RHOJ: variants seen among roughly 807,000 people sequenced by gnomAD.
RHOJ encodes the protein ras homolog family member J.
A neutral mutation model predicts 23.4 loss-of-function variants in RHOJ; 11 were observed. That is an observed-to-expected ratio of 0.47 (90% CI 0.30 to 0.78). RHOJ has a LOEUF of 0.78. RHOJ is among the 30% of genes least tolerant of loss of function. RHOJ has a pLI of 0.08. For synonymous variants in RHOJ, 102 were observed against 102.7 expected (o/e 0.99, Z 0.04); for missense variants, 254 against 273.4 (o/e 0.93, Z 0.50).
Position 63,293,448 on chromosome 14 carries a change from T to C in RHOJ, c.*2424T>C, listed in dbSNP as rs1382926675. ...ATAGAGACTGTTGTTAGTGTCTGGG[T>C]AGAGCACAGGCTCCCAGGGGTCTTA... On this transcript the variant is annotated 3_prime_UTR_variant, in exon 5 of 5. Coordinates refer to ENST00000316754, the MANE Select transcript of RHOJ (RefSeq NM_020663.5). Among the ~76,000 whole-genome samples the C allele has an allele frequency of 6.6e-6, 1 of 152,192 alleles. No individual in the cohort carries two copies. The highest frequency in any genetic ancestry group is 1.9e-4 in the East Asian group (1 of 5,196).
chr14:63,217,900 G>A (rs934281219), intron 1 of RHOJ, among the ~76,000 whole-genome samples: 1 of 152,292 alleles, frequency 6.6e-6, no homozygotes, highest in African/African-American at 2.4e-5. Flanking sequence ...TAGATATCTT[G>A]TCGACACGAT....
At chr14:63,234,585 T>C (rs1004461573) in intron 1 of RHOJ, among the ~76,000 whole-genome samples, 4 of 152,332 alleles carry the variant, frequency 2.6e-5, no homozygotes, top group Non-Finnish European at 5.9e-5. Context: ...TTGTGGTTGT[T>C]CAGATCTAAA....
chr14:63,271,184 C>T (rs371368895), intron 2 of RHOJ, among the ~76,000 whole-genome samples: 1 of 152,132 alleles, frequency 6.6e-6, no homozygotes, highest in East Asian at 1.9e-4. Flanking sequence ...CTAACTCTCA[C>T]TTGAATGCTT....
At position 63,204,727 on chromosome 14, in the gene RHOJ, C is replaced by T. The variant is rs1410781911; in HGVS notation, c.-143C>T. On this transcript the variant is annotated 5_prime_UTR_variant, in exon 1 of 5. Transcript: ENST00000316754. ...TAAGCAACAGGACATATCCCAGCCTCGGACATGTCTGTATGATCCAAGGTA... is the reference window on the plus strand; with the variant it reads ...TAAGCAACAGGACATATCCCAGCCTTGGACATGTCTGTATGATCCAAGGTA... 3 of 734,682 alleles carry T rather than the reference C, an allele frequency of 4.1e-6. No individual in the cohort carries two copies. Among genetic ancestry groups the T allele is most frequent in the East Asian group, 2.7e-5 (1 of 37,188 alleles). The allele number at this position is 734,682 out of a possible 1,614,324, so 45.5% of individuals were successfully genotyped here. A position where few individuals can be genotyped will look rare whatever the true frequency, so the allele number is the denominator to read the frequency against.
chr14:63,243,389 GAGTAC>G (rs1173168686), intron 1 of RHOJ, among the ~76,000 whole-genome samples: 1 of 152,142 alleles, frequency 6.6e-6, no homozygotes, highest in Non-Finnish European at 1.5e-5. Flanking sequence ...ACCCAGGCTG[GAGTAC>G]AGTGGCGTGA....
intron 1 of RHOJ, among the ~76,000 whole-genome samples, chr14:63,267,761 C>T (rs201712525): frequency 6.8e-5 from 9 of 132,460 alleles, no homozygotes; most frequent in South Asian, 4.4e-4. Context: ...GCATGGTAAC[C>T]GGGGTGGACG....
rs200357872 is a variant in RHOJ, at chr14:63,230,187, TA to T, written c.178+25151del. 7.6e-4 allele frequency among the ~76,000 whole-genome samples: 112 copies of T among 147,086 alleles called. 1 individual carries two copies. In the East Asian group the frequency reaches 0.016, roughly 21 times the overall value. ...CAGGAGACTGAACAACAAAAAACGT[TA>T]AAAAAAAAAACTAGTAAGTCCAATT... On this transcript the variant is annotated intron_variant, in intron 1 of 4. Transcript: ENST00000316754.
chr14:63,229,865 G>A (rs1244843244), intron 1 of RHOJ, among the ~76,000 whole-genome samples: 1 of 152,168 alleles, frequency 6.6e-6, no homozygotes, highest in Non-Finnish European at 1.5e-5. Context: ...ACGGGTCAAG[G>A]ATCACTGGGG....
intron 1 of RHOJ, among the ~76,000 whole-genome samples, chr14:63,209,325 A>G (rs1894182856): frequency 6.6e-6 from 1 of 152,024 alleles, no homozygotes; most frequent in Non-Finnish European, 1.5e-5. Flanking sequence ...TATATGATGC[A>G]CTCCATGACT....
In RHOJ at chr14:63,291,224, C is replaced by A; in HGVS notation, c.*200C>A. ...CGACCTCCCTGCCAGCCAGAAGCAT[C>A]CGTACTGCACGCTGTCTGAGAATGC... On this transcript the variant is annotated 3_prime_UTR_variant, in exon 5 of 5. Coordinates refer to ENST00000316754, the MANE Select transcript of RHOJ (RefSeq NM_020663.5). 1.6e-6 allele frequency: 1 copy of A among 616,212 alleles called. No individual in the cohort carries two copies. The highest frequency in any genetic ancestry group is 2.9e-6 in the Non-Finnish European group (1 of 342,348). 38.2% of individuals were successfully genotyped at this position (616,212 alleles called of 1,614,324 possible).
At chr14:63,243,986 AACTG>A (rs753018120) in intron 1 of RHOJ, among the ~76,000 whole-genome samples, 50 of 152,228 alleles carry the variant, frequency 3.3e-4, no homozygotes, top group Non-Finnish European at 6.0e-4. Flanking sequence ...GACCTTCTAT[AACTG>A]ACTAACATCA....
chr14:63,275,376 G>A (rs1404442849), intron 2 of RHOJ, among the ~76,000 whole-genome samples: 1 of 152,172 alleles, frequency 6.6e-6, no homozygotes, highest in Non-Finnish European at 1.5e-5. Flanking sequence ...GCAAATATAT[G>A]TAGTGTCTAA....
chr14:63,235,124 G>A (rs954332479), intron 1 of RHOJ, among the ~76,000 whole-genome samples: 9 of 151,428 alleles, frequency 5.9e-5, no homozygotes, highest in African/African-American at 1.2e-4. Context: ...TTCTTCTTTC[G>A]GGACTCTAAA....
At chr14:63,269,916 GT>G (rs1350372223) in intron 2 of RHOJ, among the ~76,000 whole-genome samples, 1 of 152,194 alleles carries the variant, frequency 6.6e-6, no homozygotes, top group Non-Finnish European at 1.5e-5. Flanking sequence ...AGTTTCTCAA[GT>G]TCTAATGTTC....
chr14:63,227,021 G>A (rs1397636708), intron 1 of RHOJ, among the ~76,000 whole-genome samples: 2 of 152,114 alleles, frequency 1.3e-5, no homozygotes, highest in East Asian at 1.9e-4. Flanking sequence ...GTGCAATCTC[G>A]GCTCGCTGCA....
intron 1 of RHOJ, among the ~76,000 whole-genome samples, chr14:63,213,427 G>A (rs1279464820): frequency 2.6e-5 from 4 of 152,096 alleles, no homozygotes; most frequent in Admixed American, 2.6e-4. Context: ...TTAGGATAAT[G>A]GCCTCCAGCT....
chr14:63,225,024 C>A (rs1343007875), intron 1 of RHOJ, among the ~76,000 whole-genome samples: 1 of 149,374 alleles, frequency 6.7e-6, no homozygotes, highest in Non-Finnish European at 1.5e-5. Flanking sequence ...ACGATCTCAG[C>A]TCACTGCAAG....
At chr14:63,256,994 C>T (rs1029933144) in intron 1 of RHOJ, among the ~76,000 whole-genome samples, 3 of 150,872 alleles carry the variant, frequency 2.0e-5, no homozygotes, top group African/African-American at 7.3e-5. Context: ...ATCACTTGAA[C>T]CCGGGAGGTG....
At chr14:63,207,083 G>A (rs1894127766) in intron 1 of RHOJ, among the ~76,000 whole-genome samples, 1 of 150,902 alleles carries the variant, frequency 6.6e-6, no homozygotes, top group African/African-American at 2.4e-5. Flanking sequence ...CCAGGCTGGA[G>A]TGCAGTGGCA....
Sources: gnomAD v4.1 joint callset for allele counts (sites outside exome capture counted in the v4.1 genomes callset) on GRCh38, gnomAD v4.1.1 for gene constraint, MANE v1.5 for transcripts, NCBI Gene and HGNC (gene_info 2026-07-23, HGNC 2026-07-21) for gene names.